KATNIP: variants seen among roughly 807,000 people sequenced by gnomAD.
The protein encoded by KATNIP is katanin interacting protein.
A neutral mutation model predicts 174.0 loss-of-function variants in KATNIP; 126 were observed. The observed-to-expected ratio is 0.72, with a 90% CI of 0.63 to 0.84. KATNIP has a LOEUF of 0.84. Among genes scored for constraint, KATNIP ranks in the 40% least tolerant of loss-of-function variants. KATNIP has a pLI of 0.00. For synonymous variants in KATNIP, 810 were observed against 835.7 expected, an observed-to-expected ratio of 0.97 and a Z score of 0.53; for missense variants, 1,958 against 2,109.7, an observed-to-expected ratio of 0.93 and a Z score of 1.41.
intron 19 of KATNIP, among the ~76,000 whole-genome samples, chr16:27,765,571 A>T (rs914687565): frequency 6.6e-6 from 1 of 152,200 alleles, no homozygotes; most frequent in Non-Finnish European, 1.5e-5. Flanking sequence ...TGCAGAGCTC[A>T]CCTGGTGCTT....
intron 3 of KATNIP, among the ~76,000 whole-genome samples, chr16:27,621,380 T>C (rs2076190207): frequency 6.6e-6 from 1 of 152,202 alleles, no homozygotes; most frequent in Admixed American, 6.5e-5. Flanking sequence ...TTCTCCATTT[T>C]CTATACCCTC....
chr16:27,599,098 G>A (rs553733863), intron 2 of KATNIP, among the ~76,000 whole-genome samples: 1 of 152,320 alleles, frequency 6.6e-6, no homozygotes, highest in South Asian at 2.1e-4. Flanking sequence ...AACACCTGCT[G>A]CCCATGCAAA....
At chr16:27,579,070 A>G (rs1402261050) in intron 2 of KATNIP, among the ~76,000 whole-genome samples, 1 of 152,216 alleles carries the variant, frequency 6.6e-6, no homozygotes, top group Non-Finnish European at 1.5e-5. Flanking sequence ...TGGTCATTGT[A>G]GTTTACTCAA....
chr16:27,736,870 G>T (rs1427968254), intron 14 of KATNIP, among the ~76,000 whole-genome samples: 1 of 152,156 alleles, frequency 6.6e-6, no homozygotes, highest in Non-Finnish European at 1.5e-5. Flanking sequence ...CTCTGGGGGA[G>T]ACCCTGGTGG....
intron 13 of KATNIP, among the ~76,000 whole-genome samples, chr16:27,717,328 T>C (rs2079999516): frequency 6.6e-6 from 1 of 152,184 alleles, no homozygotes; most frequent in South Asian, 2.1e-4. Flanking sequence ...CCCTGCAGGT[T>C]GCTATTCAGT....
intron 8 of KATNIP, among the ~76,000 whole-genome samples, chr16:27,694,655 G>A (rs1489279467): frequency 6.6e-6 from 1 of 151,934 alleles, no homozygotes; most frequent in Admixed American, 6.6e-5. Flanking sequence ...AATTAGCTGG[G>A]CATGGTGGCG....
At chr16:27,616,452 G>A (rs556498745) in intron 2 of KATNIP, among the ~76,000 whole-genome samples, 12 of 152,234 alleles carry the variant, frequency 7.9e-5, no homozygotes, top group African/African-American at 1.2e-4. Context: ...GAGGCCGGGC[G>A]CAGTGGCTCA....
chr16:27,706,014 G>A (rs186975661), intron 12 of KATNIP, among the ~76,000 whole-genome samples: 1 of 152,122 alleles, frequency 6.6e-6, no homozygotes, highest in Non-Finnish European at 1.5e-5. Context: ...AAAATCCAGG[G>A]CAAACTGACT....
At chr16:27,654,586 A>G in intron 6 of KATNIP, 2 of 1,351,942 alleles carry the variant, frequency 1.5e-6, no homozygotes, top group South Asian at 1.1e-5. Context: ...TACCATGCCC[A>G]GTTTTCTGTG....
At chr16:27,682,892 AAG>A (rs1293471466) in intron 8 of KATNIP, among the ~76,000 whole-genome samples, 3 of 152,050 alleles carry the variant, frequency 2.0e-5, no homozygotes, top group Admixed American at 6.6e-5. Context: ...GTTTTATAGG[AAG>A]AAGAAGAGAG....
chr16:27,626,627 C>A (rs564343173), intron 3 of KATNIP, among the ~76,000 whole-genome samples: 1 of 152,174 alleles, frequency 6.6e-6, no homozygotes, highest in East Asian at 1.9e-4. Flanking sequence ...CCTTTCTATG[C>A]CTTATACTCC....
At chr16:27,735,862 G>A (rs183918273) in intron 14 of KATNIP, among the ~76,000 whole-genome samples, 1 of 152,318 alleles carries the variant, frequency 6.6e-6, no homozygotes, top group East Asian at 1.9e-4. Flanking sequence ...AGAAGCCAAG[G>A]CAACACGGGA....
chr16:27,643,462 G>C (rs1212446279), intron 5 of KATNIP: 1 of 152,048 alleles, frequency 6.6e-6, no homozygotes, highest in Non-Finnish European at 1.5e-5. Context: ...CTGGTGGCGG[G>C]CACCTGTAGT....
chr16:27,560,126 AC>A (rs1275258477), intron 1 of KATNIP, among the ~76,000 whole-genome samples: 4 of 152,016 alleles, frequency 2.6e-5, no homozygotes, highest in Non-Finnish European at 5.9e-5. Context: ...CACTAAAAAT[AC>A]AAAAATTAGC....
At chr16:27,726,380 T>C (rs374448981) in intron 14 of KATNIP, among the ~76,000 whole-genome samples, 1 of 152,348 alleles carries the variant, frequency 6.6e-6, no homozygotes, top group East Asian at 1.9e-4. Context: ...GTATCTGCCC[T>C]GTTTGGTACA....
intron 6 of KATNIP, among the ~76,000 whole-genome samples, chr16:27,676,122 T>C (rs1312720887): frequency 6.6e-6 from 1 of 152,202 alleles, no homozygotes; most frequent in Non-Finnish European, 1.5e-5. Context: ...CTTCCCTCAG[T>C]CTGTCTCTTT....
intron 15 of KATNIP, among the ~76,000 whole-genome samples, chr16:27,741,257 C>T (rs752550186): frequency 1.3e-5 from 2 of 152,156 alleles, no homozygotes; most frequent in Non-Finnish European, 2.9e-5. Flanking sequence ...TCTCTAGTCA[C>T]TTCACTTTAT....
Position 27,573,951 on chromosome 16 carries a change from AAGG to A in KATNIP, c.62_63+1del, listed in dbSNP as rs2090397125. On this transcript the variant is annotated inframe_deletion and splice_region_variant, in exon 2 of 28. Transcript: ENST00000261588. The stretch of plus-strand genomic sequence containing the variant: ...AAGCTGGTCCTGCTCACGAGAGAAA[AAGG>A]AGGTAAATGTGTCCCTGGCGAGGGC... 1.9e-6 allele frequency: 3 copies of A among 1,614,082 alleles called. No homozygotes were observed. Among genetic ancestry groups the A allele is most frequent in the East Asian group, 4.5e-5 (2 of 44,880 alleles).
chr16:27,619,936 G>T (rs1022673649), intron 3 of KATNIP, among the ~76,000 whole-genome samples: 1 of 152,190 alleles, frequency 6.6e-6, no homozygotes, highest in Non-Finnish European at 1.5e-5. Context: ...CACAGAGCAG[G>T]ATGTTTTTAT....
Sources: gnomAD v4.1 joint callset for allele counts (sites outside exome capture counted in the v4.1 genomes callset) on GRCh38, gnomAD v4.1.1 for gene constraint, MANE v1.5 for transcripts, NCBI Gene and HGNC (gene_info 2026-07-23, HGNC 2026-07-21) for gene names.